The following TAF3 variants were observed in gnomAD, a reference collection of about 807,000 sequenced individuals.
TAF3 encodes the protein transcription initiation factor TFIID subunit 3.
A neutral mutation model predicts 80.6 loss-of-function variants in TAF3; 7 were observed. The observed-to-expected ratio is 0.09, with a 90% confidence interval of 0.05 to 0.16. The LOEUF (loss-of-function observed/expected upper bound fraction) is 0.16. Among genes scored for constraint, TAF3 ranks in the 10% least tolerant of loss-of-function variants. TAF3 has a pLI of 1.00. For missense variants in TAF3, 921 were observed against 1,140.2 expected, an observed-to-expected ratio of 0.81 and a Z score of 2.77; for synonymous variants, 444 against 446.1, an observed-to-expected ratio of 1.00 and a Z score of 0.06.
At chr10:7,840,359 A>G (rs1173129340) in intron 2 of TAF3, among the ~76,000 whole-genome samples, 3 of 151,848 alleles carry the variant, frequency 2.0e-5, no homozygotes, top group East Asian at 3.9e-4. Context: ...TCACCGTGTT[A>G]GCCAGGATGG....
chr10:7,939,673 A>C (rs1481448664), intron 2 of TAF3, among the ~76,000 whole-genome samples: 1 of 151,912 alleles, frequency 6.6e-6, no homozygotes, highest in Non-Finnish European at 1.5e-5. Context: ...CAGAGGAACC[A>C]GCTGTCAAAG....
At chr10:7,894,848 G>A (rs992742104) in intron 2 of TAF3, among the ~76,000 whole-genome samples, 1 of 152,048 alleles carries the variant, frequency 6.6e-6, no homozygotes, top group Admixed American at 6.6e-5. Context: ...TTTATTTGAT[G>A]TGCTCAAGCT....
chr10:7,862,200 T>C (rs1837155012), intron 2 of TAF3, among the ~76,000 whole-genome samples: 1 of 152,248 alleles, frequency 6.6e-6, no homozygotes, highest in African/African-American at 2.4e-5. Context: ...ATAGTAATAA[T>C]AGCTTCTTGG....
At chr10:7,861,925 A>C (rs867450882) in intron 2 of TAF3, among the ~76,000 whole-genome samples, 6 of 151,824 alleles carry the variant, frequency 4.0e-5, no homozygotes, top group Non-Finnish European at 8.8e-5. Flanking sequence ...CGCCAATTAA[A>C]CTTGTGTTAG....
intron 2 of TAF3, among the ~76,000 whole-genome samples, chr10:7,882,082 A>G (rs1230867200): frequency 6.6e-6 from 1 of 152,204 alleles, no homozygotes; most frequent in African/African-American, 2.4e-5. Flanking sequence ...GTTTTCATGA[A>G]CACAGCTATT....
At position 8,009,362 on chromosome 10, in the gene TAF3, G is replaced by C; in HGVS notation, c.2568+32G>C. The C allele has an allele frequency of 6.3e-7, 1 of 1,576,706 alleles. No homozygotes were observed. Among genetic ancestry groups the C allele is most frequent in the Non-Finnish European group, 8.6e-7 (1 of 1,160,332 alleles). ...ACCTGCCGCCCGCGCGGTTAGCATG[G>C]AGACGTTTTCAGATCGAGACAAGTG... On this transcript the variant is annotated intron_variant, in intron 5 of 6. Transcript: ENST00000344293. This position sits in a 1 kb window ranked among gnomAD's most constrained non-coding sequence, Gnocchi z 4.1.
chr10:8,003,702 T>G (rs1429007263), intron 4 of TAF3, among the ~76,000 whole-genome samples: 2 of 152,198 alleles, frequency 1.3e-5, no homozygotes, highest in Non-Finnish European at 2.9e-5. Context: ...TACTCCTCCC[T>G]TCTCTAGTTA....
At chr10:7,995,621 G>A (rs1052191510) in intron 4 of TAF3, among the ~76,000 whole-genome samples, 1 of 152,088 alleles carries the variant, frequency 6.6e-6, no homozygotes, top group Admixed American at 6.6e-5. Context: ...TTCTATAATG[G>A]CTATATTTTC....
At chr10:7,937,535 G>A (rs1210037162) in intron 2 of TAF3, among the ~76,000 whole-genome samples, 7 of 152,130 alleles carry the variant, frequency 4.6e-5, no homozygotes, top group Admixed American at 4.6e-4. Context: ...TAAATTGAAT[G>A]GTTCATTTTT....
intron 3 of TAF3, among the ~76,000 whole-genome samples, chr10:7,966,722 C>A (rs1047596013): frequency 6.6e-6 from 1 of 152,174 alleles, no homozygotes. Flanking sequence ...ATTTGACCTG[C>A]AGCAGATATA....
At chr10:7,868,759 A>T (rs1837238730) in intron 2 of TAF3, among the ~76,000 whole-genome samples, 1 of 152,200 alleles carries the variant, frequency 6.6e-6, no homozygotes. Context: ...CCTAGAAAGT[A>T]CCAAGTAAAC....
At chr10:7,885,025 A>C (rs1837396335) in intron 2 of TAF3, among the ~76,000 whole-genome samples, 1 of 151,656 alleles carries the variant, frequency 6.6e-6, no homozygotes, top group East Asian at 1.9e-4. Context: ...GTTTGAAAGT[A>C]TATAGTCAAA....
chr10:7,825,885 T>C (rs1836735700), intron 2 of TAF3, among the ~76,000 whole-genome samples: 1 of 152,202 alleles, frequency 6.6e-6, no homozygotes, highest in African/African-American at 2.4e-5. Context: ...TGCTGGATCA[T>C]ATAGTAATTG....
chr10:7,964,493 C>G lies in TAF3; in HGVS notation c.983C>G (p.Thr328Ser). Residue 328 changes from threonine to serine, a missense_variant, in exon 3 of 7, where the codon ACT becomes AGT. This residue lies in a region of TAF3 where 743 missense variants were observed against 821.0 expected (regional missense o/e 0.90). Transcript: ENST00000344293. This position sits in a 1 kb window ranked among gnomAD's most constrained non-coding sequence, Gnocchi z 4.1. Reference protein sequence around the residue: ...PKSPKSPKVTTHIPQTPVRPE... With the variant: ...PKSPKSPKVTSHIPQTPVRPE... ...AGTCCCAAGAGCCCCAAGGTCACGA[C>G]TCACATTCCCCAAACACCTGTGAGA... 1.2e-6 allele frequency: 2 copies of G among 1,613,452 alleles called. No homozygotes were observed. The highest frequency in any genetic ancestry group is 1.7e-6 in the Non-Finnish European group (2 of 1,179,740).
At chr10:7,989,522 C>T (rs1032428615) in intron 4 of TAF3, among the ~76,000 whole-genome samples, 1 of 152,140 alleles carries the variant, frequency 6.6e-6, no homozygotes, top group Admixed American at 6.5e-5. Flanking sequence ...CTATGAAATA[C>T]GTTTTTAAGT....
chr10:7,898,337 A>G (rs1024654744), intron 2 of TAF3, among the ~76,000 whole-genome samples: 1 of 152,118 alleles, frequency 6.6e-6, no homozygotes, highest in Non-Finnish European at 1.5e-5. Flanking sequence ...ACCTGAGGTC[A>G]GGAGTTCGAC....
At chr10:7,833,408 A>G in intron 2 of TAF3, among the ~76,000 whole-genome samples, 1 of 152,202 alleles carries the variant, frequency 6.6e-6, no homozygotes, top group Non-Finnish European at 1.5e-5. Flanking sequence ...AACAGGTGTG[A>G]GGTAATATCT....
chr10:7,936,514 T>C (rs1022716265), intron 2 of TAF3, among the ~76,000 whole-genome samples: 2 of 152,002 alleles, frequency 1.3e-5, no homozygotes, highest in Non-Finnish European at 2.9e-5. Flanking sequence ...TTTTTTTTCT[T>C]AATAGACTTT....
intron 2 of TAF3, among the ~76,000 whole-genome samples, chr10:7,837,378 C>T (rs1271602551): frequency 1.3e-5 from 2 of 149,256 alleles, no homozygotes; most frequent in Non-Finnish European, 3.0e-5. Context: ...TGTGGTGGCT[C>T]ATGCCTGTAA....
Sources: allele counts gnomAD v4.1 joint callset (sites outside exome capture counted in the v4.1 genomes callset), GRCh38; gene constraint gnomAD v4.1.1; regional missense constraint gnomAD v4.1.1; non-coding constraint Gnocchi (gnomAD v3.1); transcripts MANE v1.5; gene names NCBI Gene and HGNC (gene_info 2026-07-23, HGNC 2026-07-21).